PEX5L: variants seen among roughly 807,000 people sequenced by gnomAD.
PEX5L encodes peroxisomal biogenesis factor 5 like.
In PEX5L, 30 loss-of-function variants were observed where a neutral mutation model predicts 84.0. The ratio of observed to expected loss-of-function variants is 0.36; its 90% CI spans 0.27 to 0.48. The LOEUF (loss-of-function observed/expected upper bound fraction) is 0.48. Ranked by LOEUF, PEX5L falls within the 20% of genes least tolerant of loss-of-function variation. The probability of loss-of-function intolerance (pLI) is 0.99; values close to 1 mark genes in which losing one functional copy is unlikely to be tolerated. For synonymous variants in PEX5L, 270 were observed against 283.1 expected, an observed-to-expected ratio of 0.95 and a Z score of 0.46; for missense variants, 533 against 754.6, an observed-to-expected ratio of 0.71 and a Z score of 3.44.
At chr3:179,820,156 G>C (rs1727917031) in intron 8 of PEX5L, 180 bp from the exon 9 acceptor site, 6 of 736,360 alleles carry the variant, frequency 8.1e-6, no homozygotes, top group Non-Finnish European at 1.3e-5. Flanking sequence ...GAGTGTTGAA[G>C]TGGATTAGCT....
At chr3:179,895,226 T>C (rs936389762) in intron 3 of PEX5L, among the ~76,000 whole-genome samples, 1 of 152,130 alleles carries the variant, frequency 6.6e-6, no homozygotes, top group African/African-American at 2.4e-5. Flanking sequence ...TAAAAATCGT[T>C]AATGTGATAG....
intron 1 of PEX5L, among the ~76,000 whole-genome samples, chr3:180,003,986 G>A (rs1349386370): frequency 6.6e-6 from 1 of 152,106 alleles, no homozygotes; most frequent in African/African-American, 2.4e-5. Context: ...TATTTATACA[G>A]GACGTCTTAT....
At chr3:179,990,064 T>A (rs1358500214) in intron 1 of PEX5L, among the ~76,000 whole-genome samples, 1 of 152,214 alleles carries the variant, frequency 6.6e-6, no homozygotes, top group Non-Finnish European at 1.5e-5. Context: ...TAAAAGTCAG[T>A]ACATCTTTAT....
chr3:179,888,926 G>A (rs186552149), intron 3 of PEX5L, among the ~76,000 whole-genome samples: 14 of 151,612 alleles, frequency 9.2e-5, no homozygotes, highest in African/African-American at 2.9e-4. Context: ...CACTATGGCC[G>A]GCTAATTTTT....
chr3:179,850,035 C>T (rs1741174068), intron 8 of PEX5L, among the ~76,000 whole-genome samples: 1 of 152,052 alleles, frequency 6.6e-6, no homozygotes, highest in South Asian at 2.1e-4. Flanking sequence ...ACCCATAATT[C>T]TGACCTTAAA....
At chr3:180,030,332 C>T (rs2108359701) in intron 1 of PEX5L, among the ~76,000 whole-genome samples, 1 of 152,254 alleles carries the variant, frequency 6.6e-6, no homozygotes, top group South Asian at 2.1e-4. Context: ...ACGCCTCTTC[C>T]ATCTCCAAGA....
intron 1 of PEX5L, among the ~76,000 whole-genome samples, chr3:179,993,202 T>G (rs934756253): frequency 1.3e-5 from 2 of 152,222 alleles, no homozygotes; most frequent in Non-Finnish European, 2.9e-5. Flanking sequence ...GATTTCCATT[T>G]ATCTGATTAC....
chr3:179,906,696 T>A (rs920636742), intron 2 of PEX5L, among the ~76,000 whole-genome samples: 2 of 152,152 alleles, frequency 1.3e-5, no homozygotes. Flanking sequence ...ATATCTCAGA[T>A]CATTTGCAAA....
At chr3:179,824,706 C>CAAAAAA (rs11296415) in intron 8 of PEX5L, among the ~76,000 whole-genome samples, 11 of 70,510 alleles carry the variant, frequency 1.6e-4, no homozygotes, top group African/African-American at 2.3e-4. Context: ...AACTCCATCT[C>CAAAAAA]AAAAAAAAAA....
chr3:179,958,356 G>T (rs2110067003), intron 2 of PEX5L, among the ~76,000 whole-genome samples: 1 of 152,254 alleles, frequency 6.6e-6, no homozygotes, highest in South Asian at 2.1e-4. Flanking sequence ...GCCTTCTGGG[G>T]TTGTGCAACA....
chr3:179,956,769 G>A (rs1780664005), intron 2 of PEX5L, among the ~76,000 whole-genome samples: 1 of 152,146 alleles, frequency 6.6e-6, no homozygotes, highest in African/African-American at 2.4e-5. Context: ...GACGCAACAT[G>A]CACGGTGCCA....
intron 2 of PEX5L, among the ~76,000 whole-genome samples, chr3:179,907,342 G>T (rs906082780): frequency 3.9e-5 from 6 of 151,984 alleles, no homozygotes; most frequent in African/African-American, 1.5e-4. Context: ...TTTGAGATGG[G>T]GTCTCTGTTG....
intron 8 of PEX5L, among the ~76,000 whole-genome samples, chr3:179,827,908 T>G (rs1312214858): frequency 6.6e-6 from 1 of 152,176 alleles, no homozygotes; most frequent in Non-Finnish European, 1.5e-5. Context: ...TAGGCTTCAA[T>G]CCCAGGTTTC....
At chr3:179,842,454 T>G (rs1737663263) in intron 8 of PEX5L, among the ~76,000 whole-genome samples, 1 of 152,224 alleles carries the variant, frequency 6.6e-6, no homozygotes, top group African/African-American at 2.4e-5. Flanking sequence ...AGAGGGCTTA[T>G]GTTTATGTCA....
chr3:179,984,847 C>CT (rs1415562696), intron 1 of PEX5L, among the ~76,000 whole-genome samples: 3 of 152,242 alleles, frequency 2.0e-5, no homozygotes, highest in South Asian at 2.1e-4. Flanking sequence ...GAGTTATATC[C>CT]TTTAATCTTC....
intron 1 of PEX5L, among the ~76,000 whole-genome samples, chr3:179,978,772 G>A (rs1329975329): frequency 6.6e-6 from 1 of 152,144 alleles, no homozygotes; most frequent in Non-Finnish European, 1.5e-5. Flanking sequence ...TCACCATTAA[G>A]TGTTGTATAG....
intron 2 of PEX5L, among the ~76,000 whole-genome samples, chr3:179,944,439 TATG>T (rs1398063978): frequency 6.6e-6 from 1 of 152,208 alleles, no homozygotes; most frequent in Non-Finnish European, 1.5e-5. Flanking sequence ...GCTCACCATT[TATG>T]ATAATGGGGA....
At chr3:179,957,999 T>C (rs1781014724) in intron 2 of PEX5L, among the ~76,000 whole-genome samples, 1 of 152,072 alleles carries the variant, frequency 6.6e-6, no homozygotes, top group Non-Finnish European at 1.5e-5. Context: ...ACATTCTCCT[T>C]TTCTCTATTT....
chr3:179,821,525 G>A (rs2108973119), intron 8 of PEX5L, among the ~76,000 whole-genome samples: 1 of 152,342 alleles, frequency 6.6e-6, no homozygotes, highest in South Asian at 2.1e-4. Flanking sequence ...CCAGCCCAAT[G>A]TGATAATCCC....
Sources: gnomAD v4.1 joint callset for allele counts (sites outside exome capture counted in the v4.1 genomes callset) on GRCh38, gnomAD v4.1.1 for gene constraint, MANE v1.5 for transcripts, NCBI Gene and HGNC (gene_info 2026-07-23, HGNC 2026-07-21) for gene names.